The following FILIP1L variants were observed in gnomAD, a reference collection of about 807,000 sequenced individuals.
FILIP1L encodes filamin A-interacting protein 1-like.
Under a neutral mutation model 96.6 loss-of-function variants are expected in FILIP1L, and 55 were observed. That is an observed-to-expected ratio of 0.57 (90% confidence interval 0.46 to 0.71). The LOEUF (loss-of-function observed/expected upper bound fraction) is 0.71, where lower values mean the gene tolerates loss of function less well. FILIP1L is among the 30% of genes least tolerant of loss of function. The pLI, the probability that FILIP1L is intolerant of heterozygous loss-of-function variation, is 0.00. For synonymous variants in FILIP1L, 467 were observed against 473.9 expected, an observed-to-expected ratio of 0.99 and a Z score of 0.19; for missense variants, 1,304 against 1,321.2, an observed-to-expected ratio of 0.99 and a Z score of 0.20.
At chr3:100,091,195 G>T (rs181441687) in intron 1 of FILIP1L, among the ~76,000 whole-genome samples, 194 of 150,814 alleles carry the variant, frequency 1.3e-3, no homozygotes, top group Middle Eastern at 3.4e-3. Context: ...TGAGGCAGGA[G>T]AATGGCGTGA....
intron 4 of FILIP1L, among the ~76,000 whole-genome samples, chr3:99,876,360 C>T (rs1705521253): frequency 6.6e-6 from 1 of 152,084 alleles, no homozygotes; most frequent in Non-Finnish European, 1.5e-5. Flanking sequence ...CCGTGGTTCC[C>T]GGCTCCCAGC....
In FILIP1L at chr3:99,854,318, C is replaced by G. The variant is rs539480141; in HGVS notation, c.606-3248G>C. On this transcript the variant is annotated intron_variant, in intron 4 of 5. Transcript: ENST00000477258. The stretch of plus-strand genomic sequence containing the variant: ...TTAGCATTGATACTTGCATTATATG[C>G]TAATGCAGGTTATCATGAACTCTCG... Among the ~76,000 whole-genome samples, 8 of 152,248 alleles carry G rather than the reference C, an allele frequency of 5.3e-5. No homozygotes were observed. In the South Asian group the frequency reaches 1.5e-3, roughly 28 times the overall value.
chr3:100,016,169 T>C (rs868306143), intron 1 of FILIP1L, among the ~76,000 whole-genome samples: 7 of 152,208 alleles, frequency 4.6e-5, no homozygotes, highest in South Asian at 2.1e-4. Context: ...GTGCTGAGCA[T>C]TGGGGCTATT....
chr3:100,056,790 G>A (rs1379699401), intron 1 of FILIP1L, among the ~76,000 whole-genome samples: 9 of 151,512 alleles, frequency 5.9e-5, no homozygotes, highest in Admixed American at 6.6e-5. Context: ...GGATCACGAG[G>A]TCAGGAGATC....
intron 4 of FILIP1L, chr3:99,898,077 G>C (rs1203071492): frequency 6.6e-6 from 1 of 151,856 alleles, no homozygotes; most frequent in Non-Finnish European, 1.5e-5. Flanking sequence ...TTTTAAATAG[G>C]CTTATCTAAG....
chr3:99,880,259 G>T (rs756387767), intron 4 of FILIP1L, among the ~76,000 whole-genome samples: 1 of 151,904 alleles, frequency 6.6e-6, no homozygotes, highest in Non-Finnish European at 1.5e-5. Flanking sequence ...AGTTCTTTGG[G>T]TGCCACCTGT....
At chr3:99,975,612 G>C (rs937326430) in intron 1 of FILIP1L, among the ~76,000 whole-genome samples, 4 of 152,032 alleles carry the variant, frequency 2.6e-5, no homozygotes, top group African/African-American at 9.7e-5. Context: ...GATACTTCAT[G>C]TGGAAATAAG....
chr3:100,093,022 T>G (rs1266748244), intron 1 of FILIP1L, among the ~76,000 whole-genome samples: 2 of 152,068 alleles, frequency 1.3e-5, no homozygotes, highest in African/African-American at 4.8e-5. Context: ...TGGGGTTTCA[T>G]AAATACGTTG....
Position 100,050,364 on chromosome 3 carries a change from T to C in FILIP1L, c.-11+63689A>G, listed in dbSNP as rs993672687. Among the ~76,000 whole-genome samples the C allele has an allele frequency of 3.3e-5, 5 of 152,332 alleles. No individual in the cohort carries two copies. The East Asian group carries it at 9.6e-4, about 29-fold the overall frequency. ...GAAAGCCATATCTTTTTTAGATTTATGTGAAATGCTCAGTATGAAAATTTT... is the reference window on the plus strand; with the variant it reads ...GAAAGCCATATCTTTTTTAGATTTACGTGAAATGCTCAGTATGAAAATTTT... On this transcript the variant is annotated intron_variant, in intron 1 of 5. Transcript: ENST00000477258.
At chr3:100,064,633 G>A (rs1306555523) in intron 1 of FILIP1L, among the ~76,000 whole-genome samples, 1 of 152,170 alleles carries the variant, frequency 6.6e-6, no homozygotes, top group African/African-American at 2.4e-5. Flanking sequence ...ACTGGCAAAA[G>A]GGCTTGGAAA....
chr3:99,877,205 GAGTAATTTTAGT>G (rs1705564870), intron 4 of FILIP1L, among the ~76,000 whole-genome samples: 1 of 152,140 alleles, frequency 6.6e-6, no homozygotes, highest in African/African-American at 2.4e-5. Context: ...AGCTTCAGAT[GAGTAATTTTAGT>G]AGCTTGAGTC....
At chr3:99,841,347 G>T (rs1008799972) in intron 5 of FILIP1L, among the ~76,000 whole-genome samples, 11 of 152,158 alleles carry the variant, frequency 7.2e-5, no homozygotes, top group African/African-American at 2.7e-4. Context: ...TTTCTACTAT[G>T]CCTGTGGCAG....
intron 1 of FILIP1L, among the ~76,000 whole-genome samples, chr3:99,991,561 A>T (rs1345170239): frequency 3.9e-5 from 6 of 152,052 alleles, no homozygotes; most frequent in Non-Finnish European, 7.4e-5. Context: ...CAAATCACAG[A>T]CATTGTACCC....
chr3:99,860,065 T>A (rs1944167175), intron 4 of FILIP1L, among the ~76,000 whole-genome samples: 1 of 152,212 alleles, frequency 6.6e-6, no homozygotes, highest in Non-Finnish European at 1.5e-5. Context: ...TGAGTGTACA[T>A]CTATGTCTGC....
At chr3:99,888,807 A>G (rs372151294) in intron 4 of FILIP1L, among the ~76,000 whole-genome samples, 12 of 152,160 alleles carry the variant, frequency 7.9e-5, no homozygotes, top group African/African-American at 2.9e-4. Context: ...ATTTCCTTGC[A>G]AAAAAATAAC....
At chr3:100,061,830 G>A (rs115067211) in intron 1 of FILIP1L, among the ~76,000 whole-genome samples, 1,821 of 152,298 alleles carry the variant, frequency 0.012, 30 homozygotes, top group African/African-American at 0.041. Flanking sequence ...AAGCCAAGAA[G>A]ACTGATTCCA....
intron 1 of FILIP1L, among the ~76,000 whole-genome samples, chr3:100,109,355 C>T (rs984631234): frequency 7.2e-5 from 11 of 152,078 alleles, no homozygotes; most frequent in Non-Finnish European, 4.4e-5. Flanking sequence ...AGTAAAATTA[C>T]CTCTTATATA....
chr3:99,887,845 C>T (rs1383922068), intron 4 of FILIP1L, among the ~76,000 whole-genome samples: 1 of 152,038 alleles, frequency 6.6e-6, no homozygotes, highest in Admixed American at 6.6e-5. Context: ...ATTCATACTC[C>T]CTACTCCCAC....
chr3:99,878,215 C>T (rs965238124), intron 4 of FILIP1L, among the ~76,000 whole-genome samples: 4 of 152,136 alleles, frequency 2.6e-5, no homozygotes, highest in African/African-American at 9.7e-5. Flanking sequence ...GTTATGTGAC[C>T]ACTGTCTTCA....
Sources: gnomAD v4.1 joint callset for allele counts (sites outside exome capture counted in the v4.1 genomes callset) on GRCh38, gnomAD v4.1.1 for gene constraint, MANE v1.5 for transcripts, NCBI Gene and HGNC (gene_info 2026-07-23, HGNC 2026-07-21) for gene names.